The following PRPSAP2 variants were observed in gnomAD, a reference collection of about 807,000 sequenced individuals.
PRPSAP2 encodes phosphoribosyl pyrophosphate synthase-associated protein 2.
A neutral mutation model predicts 40.6 loss-of-function variants in PRPSAP2; 24 were observed. The observed-to-expected ratio is 0.59, with a 90% CI of 0.43 to 0.83. The LOEUF is 0.83. Among genes scored for constraint, PRPSAP2 ranks in the 40% least tolerant of loss-of-function variants. The probability of loss-of-function intolerance (pLI) is 0.00; values close to 1 mark genes in which losing one functional copy is unlikely to be tolerated. For missense variants in PRPSAP2, 292 were observed against 465.6 expected (o/e 0.63, Z 3.43); for synonymous variants, 149 against 164.7 (o/e 0.90, Z 0.73).
At chr17:18,893,392 G>A (rs1217307467) in intron 8 of PRPSAP2, among the ~76,000 whole-genome samples, 15 of 151,646 alleles carry the variant, frequency 9.9e-5, no homozygotes, top group Admixed American at 9.2e-4. Context: ...CTCGTGATCC[G>A]CCTGCCTTGG....
chr17:18,923,555 A>G (rs2041816352), intron 9 of PRPSAP2, among the ~76,000 whole-genome samples: 1 of 152,146 alleles, frequency 6.6e-6, no homozygotes, highest in African/African-American at 2.4e-5. Flanking sequence ...GGTATTTTCA[A>G]TATGTAGGAA....
intron 8 of PRPSAP2, among the ~76,000 whole-genome samples, chr17:18,891,545 T>C (rs761865354): frequency 3.9e-5 from 6 of 152,238 alleles, no homozygotes; most frequent in Non-Finnish European, 5.9e-5. Context: ...TTTTACTTAA[T>C]AATTTTTCTC....
intron 7 of PRPSAP2, among the ~76,000 whole-genome samples, chr17:18,889,276 GT>G (rs1201867537): frequency 6.6e-6 from 1 of 152,208 alleles, no homozygotes; most frequent in Non-Finnish European, 1.5e-5. Flanking sequence ...ATGTTGCTAG[GT>G]GTTATTAACT....
At chr17:18,895,992 A>G (rs1162240836) in intron 8 of PRPSAP2, among the ~76,000 whole-genome samples, 1 of 151,960 alleles carries the variant, frequency 6.6e-6, no homozygotes, top group African/African-American at 2.4e-5. Context: ...CTGGTCTCAA[A>G]CTCCTGGCCT....
In PRPSAP2 at chr17:18,887,792, C is replaced by G. The variant is rs562307521; in HGVS notation, c.529-2030C>G. 4.6e-5 allele frequency among the ~76,000 whole-genome samples: 7 copies of G among 151,926 alleles called. No homozygotes were observed. In the South Asian group the frequency reaches 1.5e-3, roughly 32 times the overall value. The stretch of plus-strand genomic sequence containing the variant: ...TTTCTTTAGACCATAATAACTTCTT[C>G]CCCCTAGATTTATTTTTGGTTCTTT... On this transcript the variant is annotated intron_variant, in intron 7 of 11. Coordinates refer to ENST00000268835, the MANE Select transcript of PRPSAP2 (RefSeq NM_002767.4).
intron 10 of PRPSAP2, among the ~76,000 whole-genome samples, chr17:18,927,605 A>G (rs2042039452): frequency 6.6e-6 from 1 of 152,180 alleles, no homozygotes; most frequent in Non-Finnish European, 1.5e-5. Context: ...ATGTACATTC[A>G]TGTATAGGTT....
intron 1 of PRPSAP2, among the ~76,000 whole-genome samples, chr17:18,858,978 G>A (rs1292511318): frequency 2.0e-5 from 3 of 152,064 alleles, no homozygotes. Flanking sequence ...GCCCTCGTGT[G>A]TACCATTATT....
At chr17:18,928,678 C>G in intron 10 of PRPSAP2, 133 bp from the exon 11 acceptor site, 1 of 1,155,490 alleles carries the variant, frequency 8.7e-7, no homozygotes. Context: ...TGGGGCCATG[C>G]CGTCTGCACA....
intron 1 of PRPSAP2, among the ~76,000 whole-genome samples, chr17:18,861,788 C>T (rs2037040288): frequency 6.6e-6 from 1 of 152,144 alleles, no homozygotes; most frequent in African/African-American, 2.4e-5. Flanking sequence ...GGAGGCCATC[C>T]TGTGGAAAAG....
At chr17:18,902,000 T>G (rs2040299068) in intron 8 of PRPSAP2, among the ~76,000 whole-genome samples, 1 of 151,520 alleles carries the variant, frequency 6.6e-6, no homozygotes, top group Non-Finnish European at 1.5e-5. Context: ...CCAGGTCTGG[T>G]CTCTAACTCT....
chr17:18,903,338 T>A (rs1032131365), intron 8 of PRPSAP2, among the ~76,000 whole-genome samples: 10 of 151,484 alleles, frequency 6.6e-5, no homozygotes, highest in African/African-American at 2.4e-4. Context: ...AATGAACGTG[T>A]GTTTTAGTAT....
At chr17:18,895,436 T>A (rs2039856911) in intron 8 of PRPSAP2, among the ~76,000 whole-genome samples, 1 of 151,876 alleles carries the variant, frequency 6.6e-6, no homozygotes, top group South Asian at 2.1e-4. Flanking sequence ...TATCCCTTAA[T>A]TTTTTAGACA....
intron 8 of PRPSAP2, among the ~76,000 whole-genome samples, chr17:18,907,256 G>A (rs2040652654): frequency 6.6e-6 from 1 of 152,072 alleles, no homozygotes; most frequent in Non-Finnish European, 1.5e-5. Flanking sequence ...ATCAGGAGTG[G>A]CTGTATTAAT....
chr17:18,912,357 T>G (rs2041015644), intron 9 of PRPSAP2, among the ~76,000 whole-genome samples: 1 of 152,018 alleles, frequency 6.6e-6, no homozygotes, highest in African/African-American at 2.4e-5. Context: ...AACAAACTAG[T>G]CACCTAAAAG....
intron 10 of PRPSAP2, among the ~76,000 whole-genome samples, chr17:18,927,482 G>A (rs1056897292): frequency 2.0e-5 from 3 of 152,130 alleles, no homozygotes; most frequent in African/African-American, 7.2e-5. Flanking sequence ...ATATTAATAT[G>A]TTATTCCTTT....
intron 7 of PRPSAP2, among the ~76,000 whole-genome samples, chr17:18,883,810 T>C (rs1158832171): frequency 6.6e-6 from 1 of 152,184 alleles, no homozygotes; most frequent in African/African-American, 2.4e-5. Flanking sequence ...AAGATGGCAG[T>C]TTATAGGTTT....
intron 1 of PRPSAP2, among the ~76,000 whole-genome samples, chr17:18,863,869 G>A (rs1178418325): frequency 8.0e-6 from 1 of 125,744 alleles, no homozygotes; most frequent in African/African-American, 3.1e-5. Flanking sequence ...TTTAGATGGA[G>A]TTTTGTTCTC....
intron 10 of PRPSAP2, among the ~76,000 whole-genome samples, chr17:18,924,500 G>A (rs1345983789): frequency 6.6e-5 from 10 of 152,204 alleles, no homozygotes; most frequent in Non-Finnish European, 1.5e-4. Context: ...TGGGCGCGTT[G>A]GCTCATGCCT....
intron 9 of PRPSAP2, among the ~76,000 whole-genome samples, chr17:18,916,309 C>G (rs1388470785): frequency 6.6e-6 from 1 of 152,000 alleles, no homozygotes; most frequent in East Asian, 1.9e-4. Context: ...AGCAGCAACT[C>G]ACTTCTCAGT....
Sources: allele counts gnomAD v4.1 joint callset (sites outside exome capture counted in the v4.1 genomes callset), GRCh38; gene constraint gnomAD v4.1.1; transcripts MANE v1.5; gene names NCBI Gene and HGNC (gene_info 2026-07-23, HGNC 2026-07-21).